The following ARHGEF28 variants were observed in gnomAD, a reference collection of about 807,000 sequenced individuals.
The protein encoded by ARHGEF28 is 190 kDa guanine nucleotide exchange factor.
ARHGEF28 carries 152 observed loss-of-function variants against 206.6 expected under a neutral mutation model. That is an observed-to-expected ratio of 0.74 (90% CI 0.64 to 0.84). The LOEUF is 0.84. Ranked by LOEUF, ARHGEF28 falls within the 40% of genes least tolerant of loss-of-function variation. The pLI is 0.00. For missense variants in ARHGEF28, 2,028 were observed against 2,073.2 expected, an observed-to-expected ratio of 0.98 and a Z score of 0.42; for synonymous variants, 763 against 776.4, an observed-to-expected ratio of 0.98 and a Z score of 0.29.
At chr5:73,695,295 C>A (rs758074475) in intron 2 of ARHGEF28, among the ~76,000 whole-genome samples, 12 of 152,100 alleles carry the variant, frequency 7.9e-5, no homozygotes, top group African/African-American at 1.2e-4. Context: ...CAAGTTATCT[C>A]TTTGTCTATT....
intron 12 of ARHGEF28, among the ~76,000 whole-genome samples, chr5:73,847,429 A>G (rs1329454514): frequency 3.3e-5 from 5 of 152,304 alleles, no homozygotes; most frequent in Non-Finnish European, 2.9e-5. Context: ...TCAGAACTCA[A>G]TTCTGGGTCT....
At chr5:73,697,846 C>G (rs546215533) in intron 2 of ARHGEF28, among the ~76,000 whole-genome samples, 1 of 152,180 alleles carries the variant, frequency 6.6e-6, no homozygotes, top group African/African-American at 2.4e-5. Flanking sequence ...TTCATCAGAA[C>G]CACACATCGT....
At chr5:73,811,526 C>G (rs1192485130) in intron 9 of ARHGEF28, among the ~76,000 whole-genome samples, 1 of 152,106 alleles carries the variant, frequency 6.6e-6, no homozygotes, top group Non-Finnish European at 1.5e-5. Flanking sequence ...ATTCTGTGCT[C>G]TAAAATCAAG....
chr5:73,783,824 C>T (rs1396361929), intron 7 of ARHGEF28, among the ~76,000 whole-genome samples: 1 of 152,084 alleles, frequency 6.6e-6, no homozygotes, highest in Non-Finnish European at 1.5e-5. Flanking sequence ...GTGTTTGGGG[C>T]AGCCAAGTTA....
intron 11 of ARHGEF28, among the ~76,000 whole-genome samples, chr5:73,844,390 C>T (rs1758171242): frequency 6.6e-6 from 1 of 152,114 alleles, no homozygotes; most frequent in Non-Finnish European, 1.5e-5. Flanking sequence ...CTTGAAATCT[C>T]CTTCCGTCTC....
rs190510456 is a variant in ARHGEF28, at chr5:73,698,036, A to C, written c.33+13152A>C. ...TGGAAGGATTCCCTTTCAGAAAAGGAATACAATTATAAAAATAAAATTAGA... is the reference window on the plus strand; with the variant it reads ...TGGAAGGATTCCCTTTCAGAAAAGGCATACAATTATAAAAATAAAATTAGA... On this transcript the variant is annotated intron_variant, in intron 2 of 35. Transcript: ENST00000513042. 3.3e-5 allele frequency among the ~76,000 whole-genome samples: 5 copies of C among 152,348 alleles called. No homozygotes were observed. The East Asian group carries it at 9.6e-4, about 29-fold the overall frequency.
intron 35 of ARHGEF28, among the ~76,000 whole-genome samples, chr5:73,926,444 T>C (rs1278073497): frequency 2.0e-5 from 3 of 152,074 alleles, no homozygotes; most frequent in Non-Finnish European, 2.9e-5. Flanking sequence ...TGCAGTTAAA[T>C]CTCCCAACAC....
intron 9 of ARHGEF28, among the ~76,000 whole-genome samples, chr5:73,806,108 TATAGTTACCTC>T (rs1418139080): frequency 1.3e-5 from 2 of 151,218 alleles, no homozygotes; most frequent in Non-Finnish European, 3.0e-5. Flanking sequence ...CATAGTTAAC[TATAGTTACCTC>T]ATAGTTACTA....
At chr5:73,709,479 G>T (rs1440514268) in intron 2 of ARHGEF28, among the ~76,000 whole-genome samples, 3 of 152,146 alleles carry the variant, frequency 2.0e-5, no homozygotes, top group Non-Finnish European at 4.4e-5. Flanking sequence ...TGAACAAAGG[G>T]GGATGAATGC....
intron 1 of ARHGEF28, among the ~76,000 whole-genome samples, chr5:73,673,557 C>A (rs979412965): frequency 6.6e-6 from 1 of 152,126 alleles, no homozygotes; most frequent in Non-Finnish European, 1.5e-5. Flanking sequence ...CTATTTCAGA[C>A]CCTCCTGGCC....
In ARHGEF28 at chr5:73,846,446, C is replaced by G. The variant is rs1206293928; in HGVS notation, c.1606C>G (p.Leu536Val). 1 of 1,613,864 alleles carries G rather than the reference C, an allele frequency of 6.2e-7. No homozygotes were observed. Among genetic ancestry groups the G allele is most frequent in the Non-Finnish European group, 8.5e-7 (1 of 1,179,808 alleles). ...PDFNISRAES[L>V]PLSSNLQSKE... ...TTTTAATATCTCCAGGGCTGAATCC[C>G]TTCCTCTATCAAGTAATCTACAGTC... The change falls in exon 12 of 36, where the codon CTT becomes GTT. Residue 536 changes from leucine to valine, a missense_variant. Physicochemically the swap from Leu to Val is conservative, Grantham distance 32. Coordinates refer to ENST00000513042, the MANE Select transcript of ARHGEF28 (RefSeq NM_001177693.2).
At chr5:73,745,490 G>C (rs1298192827) in intron 2 of ARHGEF28, among the ~76,000 whole-genome samples, 1 of 152,042 alleles carries the variant, frequency 6.6e-6, no homozygotes, top group East Asian at 1.9e-4. Context: ...TTCAGCAGAA[G>C]GATTGGTCTT....
chr5:73,669,930 A>T (rs575538102), intron 1 of ARHGEF28, among the ~76,000 whole-genome samples: 40 of 152,130 alleles, frequency 2.6e-4, no homozygotes, highest in South Asian at 2.1e-4. Flanking sequence ...CAAGTGGTCC[A>T]CCCGCTTTGG....
chr5:73,845,514 G>A (rs1447318894), intron 11 of ARHGEF28, among the ~76,000 whole-genome samples: 4 of 152,092 alleles, frequency 2.6e-5, no homozygotes, highest in East Asian at 1.9e-4. Context: ...CACTTCTGCA[G>A]CTTAGTCACA....
At chr5:73,780,119 G>A (rs1580607920) in intron 6 of ARHGEF28, among the ~76,000 whole-genome samples, 3 of 152,218 alleles carry the variant, frequency 2.0e-5, no homozygotes, top group Admixed American at 6.5e-5. Context: ...AAGGAAATTC[G>A]GATGGTCCCA....
Position 73,749,934 on chromosome 5 carries a change from T to C in ARHGEF28, c.131T>C (p.Val44Ala), listed in dbSNP as rs1277364663. 1 of 1,614,002 alleles carries C rather than the reference T, an allele frequency of 6.2e-7. No individual in the cohort carries two copies. The highest frequency in any genetic ancestry group is 1.1e-5 in the South Asian group (1 of 91,078). Residue 44 changes from valine (V) to alanine (A), a missense_variant, in exon 3 of 36, where the codon GTC (valine) becomes GCC (alanine). Transcript: ENST00000513042. ...TATGACGGATCTCATCAGCGACATG[T>C]CATGATTGCAGAGCGCATCGAGGAT... ...FTYDGSHQRH[V>A]MIAERIEDNV...
chr5:73,777,047 T>A (rs1192373032), intron 6 of ARHGEF28, among the ~76,000 whole-genome samples: 2 of 152,210 alleles, frequency 1.3e-5, no homozygotes, highest in Non-Finnish European at 2.9e-5. Flanking sequence ...TGGATTATCA[T>A]ATTGCTCAAA....
At chr5:73,767,101 A>G (rs1455557877) in intron 4 of ARHGEF28, among the ~76,000 whole-genome samples, 1 of 152,210 alleles carries the variant, frequency 6.6e-6, no homozygotes, top group African/African-American at 2.4e-5. Flanking sequence ...GCCACCATGT[A>G]AGAAGTGCCT....
intron 9 of ARHGEF28, among the ~76,000 whole-genome samples, chr5:73,829,750 T>G (rs553624475): frequency 6.6e-6 from 1 of 152,154 alleles, no homozygotes; most frequent in Non-Finnish European, 1.5e-5. Flanking sequence ...TTCTTAATCT[T>G]AGGTATTTTT....
Sources: allele counts gnomAD v4.1 joint callset (sites outside exome capture counted in the v4.1 genomes callset), GRCh38; gene constraint gnomAD v4.1.1; transcripts MANE v1.5; gene names NCBI Gene and HGNC (gene_info 2026-07-23, HGNC 2026-07-21).